Variants in CCDC178 observed in about 807,000 individuals in gnomAD.
CCDC178 encodes the protein coiled-coil domain containing 178, also known as coiled-coil domain-containing protein 178.
In CCDC178, 126 loss-of-function variants were observed where a neutral mutation model predicts 117.4. The ratio of observed to expected loss-of-function variants is 1.07; its 90% CI spans 0.93 to 1.24. CCDC178 has a LOEUF of 1.24. Among genes scored for constraint, CCDC178 ranks in the 50% most tolerant of loss-of-function variants. CCDC178 has a pLI of 0.00. For missense variants in CCDC178, 1,030 were observed against 986.9 expected (o/e 1.04, Z -0.59); for synonymous variants, 283 against 313.4 (o/e 0.90, Z 1.02).
chr18:33,102,538 C>T (rs1382630962), intron 20 of CCDC178, among the ~76,000 whole-genome samples: 2 of 151,298 alleles, frequency 1.3e-5, no homozygotes, highest in Admixed American at 1.3e-4. Context: ...AAATAATTTG[C>T]AGTCTAATAC....
chr18:33,212,045 T>C lies in CCDC178; in HGVS notation c.2089A>G (p.Ile697Val), dbSNP rs2059114972. The change falls in exon 20 of 23, where the codon ATA becomes GTA. Residue 697 changes from isoleucine to valine, a missense_variant. Ile to Val is a conservative substitution (Grantham distance 29). Transcript: ENST00000383096. ...QTLEILKNKF[I>V]TMRFKREHAQ... ...TGTTCCCTTTTAAATCTCATAGTTA[T>C]AAATTTGTTCCTGTGAAGAAAGAAT... The C allele has an allele frequency of 1.3e-6, 2 of 1,575,704 alleles. No homozygotes were observed. The highest frequency in any genetic ancestry group is 1.2e-5 in the South Asian group (1 of 83,540).
At chr18:33,247,075 C>CGTGTGT (rs150159104) in intron 14 of CCDC178, among the ~76,000 whole-genome samples, 46 of 147,752 alleles carry the variant, frequency 3.1e-4, no homozygotes, top group African/African-American at 8.9e-4. Flanking sequence ...AAGTGTGTTA[C>CGTGTGT]GTGTGTGTGT....
intron 20 of CCDC178, among the ~76,000 whole-genome samples, chr18:33,211,491 G>C (rs747828883): frequency 6.6e-5 from 10 of 151,688 alleles, no homozygotes; most frequent in Non-Finnish European, 1.0e-4. Flanking sequence ...TACAGGAGAA[G>C]AGCGTGACAT....
At chr18:33,318,065 G>A (rs778237666) in intron 11 of CCDC178, among the ~76,000 whole-genome samples, 12 of 152,044 alleles carry the variant, frequency 7.9e-5, no homozygotes, top group Admixed American at 3.9e-4. Flanking sequence ...ACCTATTTCC[G>A]GAAAAGATAA....
At chr18:33,057,392 T>C (rs2056847466) in intron 21 of CCDC178, among the ~76,000 whole-genome samples, 1 of 152,176 alleles carries the variant, frequency 6.6e-6, no homozygotes, top group Non-Finnish European at 1.5e-5. Flanking sequence ...CACTGTTGGG[T>C]TGTGAAGTCT....
chr18:33,342,230 GAT>G (rs554677627), intron 9 of CCDC178, among the ~76,000 whole-genome samples: 95 of 149,136 alleles, frequency 6.4e-4, no homozygotes, highest in African/African-American at 2.2e-3. Context: ...GAAACAATAT[GAT>G]ATGTTTCAAG....
At chr18:33,435,123 G>C (rs568244951) in intron 2 of CCDC178, among the ~76,000 whole-genome samples, 42 of 151,966 alleles carry the variant, frequency 2.8e-4, no homozygotes, top group African/African-American at 1.0e-3. Context: ...ATAATTATTG[G>C]AGCAGAAAAA....
chr18:33,303,893 A>G (rs571151547), intron 11 of CCDC178, among the ~76,000 whole-genome samples: 22 of 152,126 alleles, frequency 1.4e-4, no homozygotes, highest in Non-Finnish European at 3.1e-4. Context: ...AGAGTAAATG[A>G]GAGAGGGAGG....
intron 20 of CCDC178, among the ~76,000 whole-genome samples, chr18:33,204,863 A>G (rs554264709): frequency 6.6e-6 from 1 of 152,162 alleles, no homozygotes; most frequent in Non-Finnish European, 1.5e-5. Flanking sequence ...CTGAAAGTGG[A>G]AATTTACATG....
intron 20 of CCDC178, among the ~76,000 whole-genome samples, chr18:33,187,482 C>CAATA: frequency 6.6e-6 from 1 of 152,088 alleles, no homozygotes; most frequent in Non-Finnish European, 1.5e-5. Context: ...GACACACCCT[C>CAATA]AATACATCTC....
chr18:33,107,577 T>A (rs1233681133), intron 20 of CCDC178, among the ~76,000 whole-genome samples: 1 of 151,692 alleles, frequency 6.6e-6, no homozygotes, highest in African/African-American at 2.4e-5. Flanking sequence ...CTCTTATGGA[T>A]TATCTTTGTG....
intron 21 of CCDC178, among the ~76,000 whole-genome samples, chr18:33,009,795 A>T (rs563074748): frequency 6.6e-6 from 1 of 152,168 alleles, no homozygotes; most frequent in Non-Finnish European, 1.5e-5. Context: ...ATCTTTGAAT[A>T]AAGGATGGTG....
intron 5 of CCDC178, among the ~76,000 whole-genome samples, chr18:33,387,549 GA>G (rs2063510219): frequency 6.6e-6 from 1 of 151,980 alleles, no homozygotes; most frequent in Non-Finnish European, 1.5e-5. Flanking sequence ...AACTCAGAAA[GA>G]AAACCGCACA....
At chr18:33,382,371 C>T (rs531395393) in intron 5 of CCDC178, among the ~76,000 whole-genome samples, 24 of 152,238 alleles carry the variant, frequency 1.6e-4, no homozygotes, top group Admixed American at 2.6e-4. Flanking sequence ...CTAAAAAGTA[C>T]GCATCCAATT....
chr18:33,087,932 A>G (rs916227333), intron 21 of CCDC178, among the ~76,000 whole-genome samples: 1 of 152,184 alleles, frequency 6.6e-6, no homozygotes, highest in Admixed American at 6.5e-5. Context: ...TGTGGTTGAA[A>G]GTTGATGAGA....
intron 20 of CCDC178, among the ~76,000 whole-genome samples, chr18:33,097,878 T>C (rs1174269114): frequency 6.6e-6 from 1 of 152,006 alleles, no homozygotes; most frequent in Non-Finnish European, 1.5e-5. Flanking sequence ...GGCATATTGG[T>C]TATATATTGT....
At chr18:33,173,128 C>A (rs2058624083) in intron 20 of CCDC178, among the ~76,000 whole-genome samples, 1 of 152,196 alleles carries the variant, frequency 6.6e-6, no homozygotes, top group East Asian at 1.9e-4. Flanking sequence ...TGGCTCACTG[C>A]AGCCTCTTCC....
In CCDC178 at chr18:33,161,907, G is replaced by T. The variant is rs60860418; in HGVS notation, c.2238+49989C>A. Reference sequence around the variant, plus strand: ...TGTGCATGTGTCTTTATAGCAGCATGATTTATAATCCTTTGGGTATATACC... The same window carrying T: ...TGTGCATGTGTCTTTATAGCAGCATTATTTATAATCCTTTGGGTATATACC... On this transcript the variant is annotated intron_variant, in intron 20 of 22. Transcript: ENST00000383096. 5.3e-3 allele frequency among the ~76,000 whole-genome samples: 811 copies of T among 152,282 alleles called. 21 individuals are homozygous for T. The East Asian group carries it at 0.078, about 15-fold the overall frequency.
intron 21 of CCDC178, among the ~76,000 whole-genome samples, chr18:33,051,460 C>G (rs2056746734): frequency 1.3e-5 from 2 of 152,214 alleles, no homozygotes; most frequent in Admixed American, 6.5e-5. Context: ...AGTCTTCTCA[C>G]TTTTCTATAA....
Sources: gnomAD v4.1 joint callset for allele counts (sites outside exome capture counted in the v4.1 genomes callset) on GRCh38, gnomAD v4.1.1 for gene constraint, MANE v1.5 for transcripts, NCBI Gene and HGNC (gene_info 2026-07-23, HGNC 2026-07-21) for gene names.